Variants in BGN observed in about 807,000 individuals in gnomAD.
BGN encodes bone/cartilage proteoglycan-I.
A neutral mutation model predicts 20.0 loss-of-function variants in BGN; 6 were observed. The ratio of observed to expected loss-of-function variants is 0.30; its 90% CI spans 0.16 to 0.59. The LOEUF (loss-of-function observed/expected upper bound fraction) is 0.59. Among genes scored for constraint, BGN ranks in the 20% least tolerant of loss-of-function variants. BGN has a pLI of 0.88. For synonymous variants in BGN, 146 were observed against 134.6 expected (o/e 1.08, Z -0.59); for missense variants, 292 against 312.1 (o/e 0.94, Z 0.49).
chrX:153,495,688 C>T (rs2089708371), intron 1 of BGN, among the ~76,000 whole-genome samples: 1 of 112,162 alleles, frequency 8.9e-6, no homozygotes. Flanking sequence ...GGCTGAAAGA[C>T]TTAGTTTCCC....
chrX:153,498,751 C>T (rs868918939), intron 1 of BGN, among the ~76,000 whole-genome samples: 2 of 112,187 alleles, frequency 1.8e-5, no homozygotes, highest in African/African-American at 3.2e-5. Context: ...CCTGGGGAGA[C>T]GATGGCTTTT....
chrX:153,498,805 C>T (rs782789289), intron 1 of BGN, among the ~76,000 whole-genome samples: 131 of 112,242 alleles, frequency 1.2e-3, no homozygotes, highest in Admixed American at 2.2e-3. Context: ...AGAGGCTGGG[C>T]GGGGGCTGCC....
chrX:153,504,810 G>A lies in BGN; in HGVS notation c.179G>A (p.Ser60Asn). Residue 60 changes from serine to asparagine, a missense_variant, in exon 2 of 8, where the codon AGC becomes AAC. Transcript: ENST00000331595. ...LDPDSVTPTYSAMCPFGCHCH... is the reference protein window; with the variant it reads ...LDPDSVTPTYNAMCPFGCHCH... Reference sequence around the variant, plus strand: ...CCGGACTCTGTCACACCCACCTACAGCGCCATGTGTCCTTTCGGCTGCCAC... The same window carrying A: ...CCGGACTCTGTCACACCCACCTACAACGCCATGTGTCCTTTCGGCTGCCAC... 1 of 1,211,256 alleles carries A rather than the reference G, an allele frequency of 8.3e-7. No homozygotes were observed. The highest frequency in any genetic ancestry group is 1.1e-6 in the Non-Finnish European group (1 of 895,530).
intron 1 of BGN, among the ~76,000 whole-genome samples, chrX:153,502,476 C>T (rs1489939755): frequency 8.9e-6 from 1 of 112,522 alleles, no homozygotes; most frequent in Admixed American, 9.3e-5. Context: ...CTTCTGCCCC[C>T]GGGTGTCCAC....
intron 1 of BGN, among the ~76,000 whole-genome samples, chrX:153,502,034 T>C (rs1180609143): frequency 8.9e-6 from 1 of 112,023 alleles, no homozygotes; most frequent in Non-Finnish European, 1.9e-5. Context: ...CCTGCCCTGG[T>C]GGAGGGCCCG....
At chrX:153,498,078 T>C (rs782496713) in intron 1 of BGN, among the ~76,000 whole-genome samples, 2 of 112,446 alleles carry the variant, frequency 1.8e-5, no homozygotes, top group East Asian at 5.6e-4. Flanking sequence ...CTGGTGAAGG[T>C]GCTGCCCATT....
chrX:153,505,044 G>A (rs1433296287), intron 2 of BGN, among the ~76,000 whole-genome samples, 175 bp downstream of exon 2: 1 of 111,885 alleles, frequency 8.9e-6, no homozygotes, highest in Non-Finnish European at 1.9e-5. Flanking sequence ...ACTTGTGGTG[G>A]CATCCCCGTG....
chrX:153,507,325 C>A, intron 7 of BGN, 140 bp downstream of exon 7: 1 of 864,471 alleles, frequency 1.2e-6, no homozygotes, highest in Non-Finnish European at 1.6e-6. Flanking sequence ...CTGATGCTCC[C>A]AGCTGGTGCT....
chrX:153,508,518 C>T lies in BGN; in HGVS notation c.*73C>T. Reference sequence around the variant, plus strand: ...ACAGCCAGACATCCTGATGGGGAGGCAGAGCCAGGAAGCTAAGCCAGGGCC... The same window carrying T: ...ACAGCCAGACATCCTGATGGGGAGGTAGAGCCAGGAAGCTAAGCCAGGGCC... On this transcript the variant is annotated 3_prime_UTR_variant, in exon 8 of 8. Transcript: ENST00000331595. 3.6e-6 allele frequency: 4 copies of T among 1,116,202 alleles called. No homozygotes were observed. In the South Asian group the frequency reaches 8.0e-5, roughly 22 times the overall value. The allele number at this position is 1,116,202 out of a possible 1,213,427, so 92.0% of individuals were successfully genotyped here. A position where few individuals can be genotyped will look rare whatever the true frequency, so the allele number is the denominator to read the frequency against.
At chrX:153,503,442 A>G (rs1262941674) in intron 1 of BGN, among the ~76,000 whole-genome samples, 2 of 111,934 alleles carry the variant, frequency 1.8e-5, no homozygotes, top group Non-Finnish European at 3.8e-5. Context: ...ACCGAGGGCC[A>G]CCCCAGGCTG....
At chrX:153,504,579 G>A in intron 1 of BGN, 42 bp from the exon 2 acceptor site, 1 of 1,050,775 alleles carries the variant, frequency 9.5e-7, no homozygotes, top group Non-Finnish European at 1.3e-6. Context: ...GGAGAAGACA[G>A]GTGGGTGCTG....
rs1556992666 is a variant in BGN, at chrX:153,504,801, C to A, written c.170C>A (p.Pro57His). Reference protein sequence around the residue: ...SGVLDPDSVTPTYSAMCPFGC... With the variant: ...SGVLDPDSVTHTYSAMCPFGC... ...GTCCTGGACCCGGACTCTGTCACAC[C>A]CACCTACAGCGCCATGTGTCCTTTC... The change falls in exon 2 of 8, where the codon CCC (proline) becomes CAC (histidine). Residue 57 changes from proline to histidine, a missense_variant. Physicochemically the swap from Pro to His is moderately conservative, Grantham distance 77. Transcript: ENST00000331595. The A allele has an allele frequency of 1.7e-6, 2 of 1,211,433 alleles. No homozygotes were observed. Among genetic ancestry groups the A allele is most frequent in the Middle Eastern group, 2.3e-4 (1 of 4,348 alleles).
In BGN at chrX:153,505,972, C is replaced by T. The variant is rs368542911; in HGVS notation, c.461C>T (p.Pro154Leu). 12 of 1,210,156 alleles carry T rather than the reference C, an allele frequency of 9.9e-6. No homozygotes were observed. Among genetic ancestry groups the T allele is most frequent in the Admixed American group, 6.5e-5 (3 of 45,880 alleles). ...YISKNHLVEI[P>L]PNLPSSLVEL... is the part of the protein sequence containing the mutation. The stretch of plus-strand genomic sequence containing the variant: ...TCCAAGAACCACCTGGTGGAGATCC[C>T]GCCCAACCTACCCAGCTCCCTGGTG... Residue 154 changes from proline to leucine, a missense_variant, in exon 4 of 8, where the codon CCG becomes CTG. Transcript: ENST00000331595.
rs79675532 is a variant in BGN, at chrX:153,508,108, T to C, written c.910-140T>C. ...CACAAATAACACGCCCATGCCTTGG[T>C]TTGCTCCTCCCAACAACGGGGAGCC... On this transcript the variant is annotated intron_variant, in intron 7 of 7. Coordinates refer to ENST00000331595, the MANE Select transcript of BGN (RefSeq NM_001711.6). 8.2e-3 allele frequency: 5,274 copies of C among 641,892 alleles called. 190 individuals are homozygous for C. The East Asian group carries it at 0.1, about 12-fold the overall frequency. 52.9% of individuals were successfully genotyped at this position (641,892 alleles called of 1,213,427 possible). A position where few individuals can be genotyped will look rare whatever the true frequency, so the allele number is the denominator to read the frequency against.
intron 3 of BGN, 49 bp downstream of exon 3, chrX:153,505,399 C>T (rs113159663): frequency 6.2e-5 from 66 of 1,062,966 alleles, no homozygotes; most frequent in East Asian, 1.6e-4. Context: ...GGCAGGGGTC[C>T]GGGTGGGTGC....
At chrX:153,498,145 A>G (rs2089732292) in intron 1 of BGN, among the ~76,000 whole-genome samples, 1 of 112,694 alleles carries the variant, frequency 8.9e-6, no homozygotes, top group Non-Finnish European at 1.9e-5. Flanking sequence ...GCCTTCTTGC[A>G]TGGAACTCTC....
At chrX:153,505,144 G>C in intron 2 of BGN, 94 bp from the exon 3 acceptor site, 2 of 735,920 alleles carry the variant, frequency 2.7e-6, no homozygotes, top group Non-Finnish European at 4.1e-6. Flanking sequence ...GCTGGTGATG[G>C]TGGTGGGGCC....
chrX:153,504,376 G>T (rs1290623783), intron 1 of BGN, among the ~76,000 whole-genome samples: 2 of 112,242 alleles, frequency 1.8e-5, no homozygotes, highest in African/African-American at 6.5e-5. Context: ...GGGATGGGGA[G>T]GGGGGTAGTG....
intron 1 of BGN, among the ~76,000 whole-genome samples, chrX:153,497,203 C>T (rs1003402754): frequency 9.5e-6 from 1 of 105,721 alleles, no homozygotes; most frequent in South Asian, 4.5e-4. Context: ...CCCTGCCGCA[C>T]GTTGCCCCCC....
Sources: allele counts gnomAD v4.1 joint callset (sites outside exome capture counted in the v4.1 genomes callset), GRCh38; gene constraint gnomAD v4.1.1; transcripts MANE v1.5; gene names NCBI Gene and HGNC (gene_info 2026-07-23, HGNC 2026-07-21).